The following EPHA3 variants were observed in gnomAD, a reference collection of about 807,000 sequenced individuals.
EPHA3 encodes EPH receptor A3.
A neutral mutation model predicts 107.1 loss-of-function variants in EPHA3; 42 were observed. The observed-to-expected ratio is 0.39, with a 90% CI of 0.31 to 0.51. EPHA3 has a LOEUF of 0.51. Ranked by LOEUF, EPHA3 falls within the 20% of genes least tolerant of loss-of-function variation. The pLI is 0.78. For synonymous variants in EPHA3, 461 were observed against 424.8 expected (o/e 1.09, Z -1.05); for missense variants, 1,183 against 1,211.2 (o/e 0.98, Z 0.35).
Position 89,380,179 on chromosome 3 carries a change from A to C in EPHA3, c.1307-15658A>C, listed in dbSNP as rs189337992. 9.8e-4 allele frequency among the ~76,000 whole-genome samples: 150 copies of C among 152,312 alleles called. 1 individual carries two copies. Among genetic ancestry groups the C allele is most frequent in the Non-Finnish European group, 1.5e-3 (104 of 68,016 alleles). On this transcript the variant is annotated intron_variant, in intron 5 of 16. Transcript: ENST00000336596. ...TTTTGAAGAGAGATAATTCCTTTTGAAAACTCATGAGTCATATAACAATGT... is the reference window on the plus strand; with the variant it reads ...TTTTGAAGAGAGATAATTCCTTTTGCAAACTCATGAGTCATATAACAATGT...
At chr3:89,253,330 G>T (rs1705206828) in intron 3 of EPHA3, among the ~76,000 whole-genome samples, 2 of 152,020 alleles carry the variant, frequency 1.3e-5, no homozygotes, top group Admixed American at 6.6e-5. Context: ...TCTTTGAAAA[G>T]AATGGATTTA....
intron 3 of EPHA3, among the ~76,000 whole-genome samples, chr3:89,216,174 G>A (rs1228831237): frequency 6.6e-6 from 1 of 151,836 alleles, no homozygotes; most frequent in Non-Finnish European, 1.5e-5. Context: ...GGTAATGTAT[G>A]GGTTAATCTT....
At chr3:89,386,257 C>T (rs1385646321) in intron 5 of EPHA3, among the ~76,000 whole-genome samples, 2 of 152,138 alleles carry the variant, frequency 1.3e-5, no homozygotes, top group Non-Finnish European at 2.9e-5. Flanking sequence ...ATCTCCAGGG[C>T]ATGTCAGATA....
chr3:89,374,865 G>GA (rs1460819206), intron 5 of EPHA3, among the ~76,000 whole-genome samples: 1 of 151,580 alleles, frequency 6.6e-6, no homozygotes, highest in Non-Finnish European at 1.5e-5. Context: ...AGAGTAGACA[G>GA]AAAAATAGAG....
intron 2 of EPHA3, among the ~76,000 whole-genome samples, chr3:89,148,889 T>C (rs1007500192): frequency 2.0e-5 from 3 of 152,046 alleles, no homozygotes; most frequent in Non-Finnish European, 4.4e-5. Flanking sequence ...TTTGGAGTCA[T>C]AATTATAAAC....
At chr3:89,313,716 T>G (rs912352419) in intron 3 of EPHA3, among the ~76,000 whole-genome samples, 1 of 151,922 alleles carries the variant, frequency 6.6e-6, no homozygotes, top group Admixed American at 6.6e-5. Context: ...TTTAAAGTAG[T>G]CATGTGACTT....
intron 11 of EPHA3, among the ~76,000 whole-genome samples, chr3:89,423,323 C>T (rs1425498719): frequency 6.6e-6 from 1 of 151,226 alleles, no homozygotes; most frequent in African/African-American, 2.4e-5. Flanking sequence ...TAGCCATTGG[C>T]TTCCAGTTGC....
intron 2 of EPHA3, among the ~76,000 whole-genome samples, chr3:89,202,697 C>T (rs576071137): frequency 6.6e-6 from 1 of 151,694 alleles, no homozygotes; most frequent in African/African-American, 2.4e-5. Flanking sequence ...CACAAATCAC[C>T]ACAGAAAATC....
At chr3:89,127,375 G>T (rs1180277570) in intron 2 of EPHA3, 102 bp downstream of exon 2, 21 of 877,604 alleles carry the variant, frequency 2.4e-5, no homozygotes, top group Non-Finnish European at 2.7e-5. Flanking sequence ...TGTACTTCTG[G>T]TGACAAATTA....
intron 2 of EPHA3, among the ~76,000 whole-genome samples, chr3:89,155,736 A>G (rs76434741): frequency 1.1e-4 from 17 of 152,152 alleles, no homozygotes; most frequent in South Asian, 2.1e-4. Context: ...CTTCTCATAT[A>G]CCAGTTTGTG....
intron 3 of EPHA3, among the ~76,000 whole-genome samples, chr3:89,274,816 C>G (rs1309556950): frequency 1.3e-5 from 2 of 151,846 alleles, no homozygotes; most frequent in African/African-American, 2.4e-5. Context: ...AAGATTGGAG[C>G]CCAATAATCA....
intron 3 of EPHA3, among the ~76,000 whole-genome samples, chr3:89,246,262 A>G (rs1705030860): frequency 1.3e-5 from 2 of 152,206 alleles, no homozygotes; most frequent in South Asian, 4.1e-4. Context: ...TATTTTATTT[A>G]TAACAGAATT....
At chr3:89,203,448 A>C (rs1038650628) in intron 2 of EPHA3, among the ~76,000 whole-genome samples, 6 of 152,050 alleles carry the variant, frequency 3.9e-5, no homozygotes, top group African/African-American at 1.4e-4. Context: ...ATCTCAGTAC[A>C]GTAACCCTGA....
chr3:89,337,002 A>G (rs1048939512), intron 3 of EPHA3, among the ~76,000 whole-genome samples: 2 of 151,782 alleles, frequency 1.3e-5, no homozygotes, highest in Non-Finnish European at 2.9e-5. Context: ...GTGAGCTGTC[A>G]TCATGCCTCT....
chr3:89,375,814 A>T (rs1442438458), intron 5 of EPHA3, among the ~76,000 whole-genome samples: 1 of 151,956 alleles, frequency 6.6e-6, no homozygotes, highest in South Asian at 2.1e-4. Context: ...GAAGAGCTGT[A>T]GTACTTCAAA....
chr3:89,242,708 A>C (rs1464971469), intron 3 of EPHA3, among the ~76,000 whole-genome samples: 1 of 152,062 alleles, frequency 6.6e-6, no homozygotes, highest in East Asian at 1.9e-4. Context: ...AAGTGCTGGG[A>C]TTACAGGCTT....
At chr3:89,131,385 G>A (rs1230955457) in intron 2 of EPHA3, among the ~76,000 whole-genome samples, 1 of 152,102 alleles carries the variant, frequency 6.6e-6, no homozygotes, top group Non-Finnish European at 1.5e-5. Flanking sequence ...TATATTGTTA[G>A]GTTATTGTTT....
At chr3:89,254,685 A>G (rs1396720004) in intron 3 of EPHA3, among the ~76,000 whole-genome samples, 1 of 152,194 alleles carries the variant, frequency 6.6e-6, no homozygotes, top group East Asian at 1.9e-4. Context: ...TCCTATCTAT[A>G]TGAATAAAGC....
chr3:89,395,806 T>G, intron 5 of EPHA3, 31 bp from the exon 6 acceptor site: 2 of 1,611,834 alleles, frequency 1.2e-6, no homozygotes, highest in South Asian at 2.2e-5. Flanking sequence ...TTTGCTTCCT[T>G]CCACCTTCCC....
Sources: gnomAD v4.1 joint callset for allele counts (sites outside exome capture counted in the v4.1 genomes callset) on GRCh38, gnomAD v4.1.1 for gene constraint, MANE v1.5 for transcripts, NCBI Gene and HGNC (gene_info 2026-07-23, HGNC 2026-07-21) for gene names.